The following NPHP4 variants were observed in gnomAD, a reference collection of about 807,000 sequenced individuals.
NPHP4 encodes the protein nephrocystin-4.
A neutral mutation model predicts 155.8 loss-of-function variants in NPHP4; 151 were observed. The observed-to-expected ratio is 0.97, with a 90% CI of 0.85 to 1.11. NPHP4 has a LOEUF of 1.11. Among genes scored for constraint, NPHP4 ranks in the 50% least tolerant of loss-of-function variants. The probability of loss-of-function intolerance (pLI) is 0.00; values close to 1 mark genes in which losing one functional copy is unlikely to be tolerated. For missense variants in NPHP4, 1,956 were observed against 1,925.7 expected (o/e 1.02, Z -0.29); for synonymous variants, 845 against 816.8 (o/e 1.03, Z -0.59).
chr1:5,875,696 G>A (rs1033557962), intron 20 of NPHP4, among the ~76,000 whole-genome samples: 1 of 152,208 alleles, frequency 6.6e-6, no homozygotes, highest in Non-Finnish European at 1.5e-5. Context: ...TTTCCTGTGG[G>A]ACTTACAAGA....
chr1:5,991,976 G>A (rs986394870), intron 1 of NPHP4, among the ~76,000 whole-genome samples: 3 of 151,552 alleles, frequency 2.0e-5, no homozygotes, highest in Admixed American at 1.3e-4. Flanking sequence ...AGGGCAGAAA[G>A]GAACCCACGT....
At chr1:5,885,159 C>T (rs1390441871) in intron 18 of NPHP4, among the ~76,000 whole-genome samples, 1 of 147,998 alleles carries the variant, frequency 6.8e-6, no homozygotes, top group Admixed American at 6.8e-5. Flanking sequence ...GCCGAACCCC[C>T]ATCCTACTCG....
At chr1:5,986,924 A>AG (rs1257733664) in intron 1 of NPHP4, among the ~76,000 whole-genome samples, 1 of 152,012 alleles carries the variant, frequency 6.6e-6, no homozygotes, top group Non-Finnish European at 1.5e-5. Context: ...ACTGTCTTGT[A>AG]GGGGACCCAG....
chr1:5,958,848 C>T (rs1198634084), intron 6 of NPHP4, among the ~76,000 whole-genome samples: 1 of 54,956 alleles, frequency 1.8e-5, no homozygotes, highest in Non-Finnish European at 3.3e-5. Context: ...AAGAGCCAGA[C>T]CCTGTCTCAA....
intron 12 of NPHP4, among the ~76,000 whole-genome samples, chr1:5,908,217 C>T (rs572592331): frequency 6.6e-6 from 1 of 152,330 alleles, no homozygotes; most frequent in South Asian, 2.1e-4. Context: ...TATACGGTAT[C>T]GTGACCACTC....
At chr1:5,977,455 C>T (rs528474889) in intron 3 of NPHP4, among the ~76,000 whole-genome samples, 3 of 152,118 alleles carry the variant, frequency 2.0e-5, no homozygotes, top group African/African-American at 4.8e-5. Context: ...CAGGTCTCCA[C>T]GTTCTCCTAT....
chr1:5,875,182 G>T (rs1047094599), intron 20 of NPHP4, 82 bp from the exon 21 acceptor site: 2 of 1,032,716 alleles, frequency 1.9e-6, no homozygotes, highest in East Asian at 5.2e-5. Flanking sequence ...CCCACCACCC[G>T]CGATCTCAGA....
rs1006171807 is a variant in NPHP4, at chr1:5,889,557, G to A, written c.2304+1311C>T. Among the ~76,000 whole-genome samples the A allele has an allele frequency of 6.6e-5, 10 of 152,198 alleles. No individual in the cohort carries two copies. Among genetic ancestry groups the A allele is most frequent in the Non-Finnish European group, 1.5e-4 (10 of 68,028 alleles). On this transcript the variant is annotated intron_variant, in intron 17 of 29. Transcript: ENST00000378156. The surrounding 1 kb of genome is among the most constrained non-coding windows in gnomAD (Gnocchi z 4.2). ...CAAGGCTCGGCTGGGCACGACAGGG[G>A]AGCCACTGCCACCCCACACATGCCC...
intron 17 of NPHP4, 149 bp from the exon 18 acceptor site, chr1:5,887,615 G>A (rs1643891651): frequency 1.3e-6 from 1 of 758,120 alleles, no homozygotes; most frequent in South Asian, 1.9e-5. Context: ...CACCACGCTG[G>A]GGGGTGAGGG....
At chr1:5,888,312 G>C in intron 17 of NPHP4, 1 of 1,035,468 alleles carries the variant, frequency 9.7e-7, no homozygotes, top group Non-Finnish European at 1.2e-6. Context: ...CCCAGGCGTG[G>C]CTGGGACACT....
chr1:5,898,327 C>T (rs1292226387), intron 16 of NPHP4, among the ~76,000 whole-genome samples: 2 of 152,226 alleles, frequency 1.3e-5, no homozygotes, highest in South Asian at 2.1e-4. Context: ...ACCACGCCCT[C>T]GGCAGAGCCC....
At chr1:5,871,860 C>T (rs771968833) in intron 23 of NPHP4, among the ~76,000 whole-genome samples, 1 of 152,134 alleles carries the variant, frequency 6.6e-6, no homozygotes, top group Non-Finnish European at 1.5e-5. Flanking sequence ...CTGGGGGCAG[C>T]AACAACAGCA....
chr1:5,982,379 C>T (rs996208888), intron 2 of NPHP4, among the ~76,000 whole-genome samples: 8 of 152,152 alleles, frequency 5.3e-5, no homozygotes. Flanking sequence ...AGGTTTGTAG[C>T]CTAGAAGCAA....
At chr1:5,904,926 T>C (rs1427678584) in intron 15 of NPHP4, 122 bp from the exon 16 acceptor site, 2 of 998,700 alleles carry the variant, frequency 2.0e-6, no homozygotes, top group Non-Finnish European at 3.1e-6. Flanking sequence ...GTAAAGAGGC[T>C]GCCGTGGTCA....
At chr1:5,904,365 G>C (rs1318594163) in intron 16 of NPHP4, among the ~76,000 whole-genome samples, 2 of 152,178 alleles carry the variant, frequency 1.3e-5, no homozygotes, top group African/African-American at 4.8e-5. Flanking sequence ...TATACATAAG[G>C]AAATATTCAT....
At chr1:5,932,603 C>T (rs1355791394) in intron 10 of NPHP4, among the ~76,000 whole-genome samples, 2 of 151,664 alleles carry the variant, frequency 1.3e-5, no homozygotes, top group Admixed American at 6.6e-5. Context: ...CAACCCACTT[C>T]GCTCTACTTG....
intron 18 of NPHP4, chr1:5,880,532 A>G (rs1643173403): frequency 2.6e-6 from 1 of 379,146 alleles, no homozygotes. Flanking sequence ...ATGGATTCTT[A>G]CTTCTGGATC....
Position 5,874,622 on chromosome 1 carries a change from T to C in NPHP4, c.3080A>G (p.Lys1027Arg). The C allele has an allele frequency of 2.5e-6, 4 of 1,612,136 alleles. No homozygotes were observed. The South Asian group carries it at 4.4e-5, about 18-fold the overall frequency. Residue 1027 changes from lysine (K) to arginine (R), a missense_variant, in exon 22 of 30, where the codon AAG becomes AGG. Transcript: ENST00000378156. ...CGGTGTGTGCAGGCCAGCAGCACCCTTGAAGTCCCTCCACTCCTGACTGTC... is the reference window on the plus strand; with the variant it reads ...CGGTGTGTGCAGGCCAGCAGCACCCCTGAAGTCCCTCCACTCCTGACTGTC... The part of the protein sequence containing the change: ...IVDSQEWRDF[K>R]GAAGLHTPVE...
intron 5 of NPHP4, among the ~76,000 whole-genome samples, chr1:5,966,959 G>A (rs754866707): frequency 4.0e-4 from 61 of 152,338 alleles, no homozygotes; most frequent in Admixed American, 9.8e-4. Context: ...GATAACCGAC[G>A]GCTGTGCGGT....
Sources: allele counts gnomAD v4.1 joint callset (sites outside exome capture counted in the v4.1 genomes callset), GRCh38; gene constraint gnomAD v4.1.1; non-coding constraint Gnocchi (gnomAD v3.1); transcripts MANE v1.5; gene names NCBI Gene and HGNC (gene_info 2026-07-23, HGNC 2026-07-21).